Variants in PPARGC1A observed in about 807,000 individuals in gnomAD.
PPARGC1A encodes the protein PPARG coactivator 1 alpha.
In PPARGC1A, 25 loss-of-function variants were observed where a neutral mutation model predicts 88.7. The observed-to-expected ratio is 0.28, with a 90% CI of 0.21 to 0.39. The LOEUF (loss-of-function observed/expected upper bound fraction) is 0.39. PPARGC1A is among the 10% of genes least tolerant of loss of function. The pLI is 1.00. For missense variants in PPARGC1A, 880 were observed against 968.7 expected (o/e 0.91, Z 1.22); for synonymous variants, 363 against 355.6 (o/e 1.02, Z -0.24).
the PPARGC1A span, among the ~76,000 whole-genome samples, chr4:23,975,981 T>C: frequency 6.6e-6 from 1 of 152,214 alleles, no homozygotes; most frequent in Admixed American, 6.5e-5. Context: ...CTTAAAGCAA[T>C]GGCTGCCCAA....
the PPARGC1A span, among the ~76,000 whole-genome samples, chr4:24,176,626 G>A: frequency 1.3e-5 from 2 of 152,282 alleles, no homozygotes; most frequent in South Asian, 4.2e-4. Context: ...CCCTGTGCCA[G>A]ACATGGGACA....
At chr4:24,121,150 T>C in the PPARGC1A span, among the ~76,000 whole-genome samples, 1 of 152,202 alleles carries the variant, frequency 6.6e-6, no homozygotes, top group African/African-American at 2.4e-5. Flanking sequence ...CCAGTGGGGC[T>C]GGATCAGAAG....
the PPARGC1A span, among the ~76,000 whole-genome samples, chr4:24,285,146 A>G: frequency 3.9e-5 from 6 of 152,192 alleles, no homozygotes; most frequent in African/African-American, 1.4e-4. Flanking sequence ...GATAAAGTTA[A>G]TCTTGGACAC....
chr4:24,467,287 G>A, the PPARGC1A span, among the ~76,000 whole-genome samples: 1 of 152,182 alleles, frequency 6.6e-6, no homozygotes, highest in Non-Finnish European at 1.5e-5. Context: ...GGGGTTCTGT[G>A]AGCTGGATTT....
the PPARGC1A span, among the ~76,000 whole-genome samples, chr4:24,233,980 T>C: frequency 0.013 from 2,030 of 152,284 alleles, 30 homozygotes; most frequent in Non-Finnish European, 0.02. Context: ...ACACAATGAA[T>C]GTCAGGTTCA....
the PPARGC1A span, among the ~76,000 whole-genome samples, chr4:24,116,570 A>ACACATCT: frequency 6.6e-6 from 1 of 152,206 alleles, no homozygotes; most frequent in Non-Finnish European, 1.5e-5. Context: ...CGGTTTCAGA[A>ACACATCT]CACATCTCTA....
At chr4:24,410,647 T>C in the PPARGC1A span, among the ~76,000 whole-genome samples, 2 of 152,154 alleles carry the variant, frequency 1.3e-5, no homozygotes, top group Non-Finnish European at 2.9e-5. Context: ...TCAATCTGGG[T>C]GGGCACAATC....
At chr4:24,188,458 T>C in the PPARGC1A span, among the ~76,000 whole-genome samples, 1 of 152,104 alleles carries the variant, frequency 6.6e-6, no homozygotes, top group Admixed American at 6.5e-5. Context: ...CGCTGAACTA[T>C]TAGTGCTTTG....
At position 23,828,505 on chromosome 4, in the gene PPARGC1A, C is replaced by T. The variant is rs368992605; in HGVS notation, c.652G>A (p.Asp218Asn). The change falls in exon 5 of 13, where the codon GAT becomes AAT. Residue 218 changes from aspartate to asparagine, a missense_variant. Transcript: ENST00000264867. ...GTGGGTTTGGTGTGAGGAGGGTCAT[C>T]GTTTGTGGTCAGATATTTGAGAAGC... ...SELLKYLTTN[D>N]DPPHTKPTEN... The T allele has an allele frequency of 6.8e-6, 11 of 1,613,892 alleles. No individual in the cohort carries two copies. The highest frequency in any genetic ancestry group is 1.6e-4 in the Middle Eastern group (1 of 6,084).
the PPARGC1A span, among the ~76,000 whole-genome samples, chr4:24,137,873 TC>T: frequency 6.6e-6 from 1 of 151,980 alleles, no homozygotes; most frequent in Non-Finnish European, 1.5e-5. Flanking sequence ...CTAACCCGTT[TC>T]CCCCCTCAAA....
chr4:24,201,644 A>G, the PPARGC1A span, among the ~76,000 whole-genome samples: 1 of 152,224 alleles, frequency 6.6e-6, no homozygotes, highest in East Asian at 1.9e-4. Context: ...TTTAGATTAT[A>G]TAAGGAACAT....
chr4:24,115,312 A>AT, the PPARGC1A span, among the ~76,000 whole-genome samples: 2 of 152,274 alleles, frequency 1.3e-5, no homozygotes, highest in Middle Eastern at 3.4e-3. Flanking sequence ...TAATGATGTC[A>AT]TTTTTTTAAA....
At chr4:24,393,883 C>T in the PPARGC1A span, among the ~76,000 whole-genome samples, 12 of 152,198 alleles carry the variant, frequency 7.9e-5, no homozygotes, top group African/African-American at 2.9e-4. Context: ...TTTTGGGAGG[C>T]CAAGGCAGGA....
At chr4:24,326,114 A>G in the PPARGC1A span, among the ~76,000 whole-genome samples, 1 of 151,920 alleles carries the variant, frequency 6.6e-6, no homozygotes, top group African/African-American at 2.4e-5. Context: ...AGTATAAGAT[A>G]CCTCTACTCC....
chr4:24,006,530 T>G, the PPARGC1A span, among the ~76,000 whole-genome samples: 2 of 152,228 alleles, frequency 1.3e-5, no homozygotes, highest in East Asian at 3.8e-4. Context: ...CAGAGTAGCA[T>G]GCTGCTGAAA....
chr4:24,088,310 G>T, the PPARGC1A span, among the ~76,000 whole-genome samples: 1 of 152,024 alleles, frequency 6.6e-6, no homozygotes, highest in Admixed American at 6.6e-5. Flanking sequence ...AGCCATGATT[G>T]TGTCACTGCA....
the PPARGC1A span, among the ~76,000 whole-genome samples, chr4:24,108,622 C>A: frequency 6.6e-6 from 1 of 152,136 alleles, no homozygotes; most frequent in African/African-American, 2.4e-5. Flanking sequence ...GAATCATTAT[C>A]CTCATTCTGC....
the PPARGC1A span, among the ~76,000 whole-genome samples, chr4:24,189,735 C>A: frequency 1.3e-5 from 2 of 152,246 alleles, no homozygotes; most frequent in African/African-American, 4.8e-5. Flanking sequence ...AGTCTAAGCA[C>A]CCGGCACCCT....
chr4:24,074,554 G>T, the PPARGC1A span, among the ~76,000 whole-genome samples: 2 of 151,938 alleles, frequency 1.3e-5, no homozygotes, highest in African/African-American at 2.4e-5. Context: ...TTATTTCCTT[G>T]TTTATCTCAC....
Sources: allele counts gnomAD v4.1 joint callset (sites outside exome capture counted in the v4.1 genomes callset), GRCh38; gene constraint gnomAD v4.1.1; transcripts MANE v1.5; gene names NCBI Gene and HGNC (gene_info 2026-07-23, HGNC 2026-07-21).